BMPR1B: variants seen among roughly 807,000 people sequenced by gnomAD.
The protein encoded by BMPR1B is bone morphogenetic protein receptor type-1B.
BMPR1B carries 12 observed loss-of-function variants against 59.1 expected under a neutral mutation model. The observed-to-expected ratio is 0.20, with a 90% CI of 0.13 to 0.33. The LOEUF is 0.33. Among genes scored for constraint, BMPR1B ranks in the 10% least tolerant of loss-of-function variants. The probability of loss-of-function intolerance (pLI) is 1.00; values close to 1 mark genes in which losing one functional copy is unlikely to be tolerated. For missense variants in BMPR1B, 550 were observed against 610.9 expected (o/e 0.90, Z 1.05); for synonymous variants, 237 against 207.3 (o/e 1.14, Z -1.23).
rs531933087 is a variant in BMPR1B, at chr4:95,011,556, C to T, written c.-18+15422C>T. On this transcript the variant is annotated intron_variant, in intron 3 of 12. Coordinates refer to ENST00000515059, the MANE Select transcript of BMPR1B (RefSeq NM_001203.3). Reference sequence around the variant, plus strand: ...GCAGGAAAGAAGTGGATGTGAGTGACAGACATATCCATATACCTCCTAGGC... The same window carrying T: ...GCAGGAAAGAAGTGGATGTGAGTGATAGACATATCCATATACCTCCTAGGC... 7.9e-5 allele frequency among the ~76,000 whole-genome samples: 12 copies of T among 152,266 alleles called. No homozygotes were observed. In the South Asian group the frequency reaches 2.3e-3, roughly 29 times the overall value.
chr4:95,066,359 C>T (rs1233813278), intron 3 of BMPR1B, among the ~76,000 whole-genome samples: 2 of 144,468 alleles, frequency 1.4e-5, no homozygotes, highest in African/African-American at 5.0e-5. Context: ...GCTTTTCCCA[C>T]TCAGGGCCAT....
chr4:95,090,531 C>A (rs145967393), intron 3 of BMPR1B, among the ~76,000 whole-genome samples: 7 of 151,958 alleles, frequency 4.6e-5, no homozygotes, highest in African/African-American at 1.7e-4. Flanking sequence ...TGTGAGTGAA[C>A]AATCAGCAGA....
intron 2 of BMPR1B, among the ~76,000 whole-genome samples, chr4:94,975,514 CA>C (rs1469749598): frequency 6.6e-6 from 1 of 151,330 alleles, no homozygotes; most frequent in African/African-American, 2.4e-5. Flanking sequence ...AGGCATGCGC[CA>C]CCATGCCTGG....
intron 3 of BMPR1B, among the ~76,000 whole-genome samples, chr4:95,080,541 T>C (rs908724234): frequency 1.3e-5 from 2 of 152,192 alleles, no homozygotes; most frequent in Non-Finnish European, 2.9e-5. Context: ...TGGCCTAAAA[T>C]ATTTACAAAT....
At chr4:95,004,832 G>A (rs1300182692) in intron 3 of BMPR1B, among the ~76,000 whole-genome samples, 1 of 152,110 alleles carries the variant, frequency 6.6e-6, no homozygotes, top group Non-Finnish European at 1.5e-5. Flanking sequence ...AGGACACAAC[G>A]TTCTACTGAA....
chr4:94,889,544 A>G (rs995113616), intron 2 of BMPR1B, among the ~76,000 whole-genome samples: 3 of 152,088 alleles, frequency 2.0e-5, no homozygotes, highest in African/African-American at 7.2e-5. Context: ...AAACAAATAA[A>G]AGGTGTTGTG....
At chr4:94,878,213 G>A (rs932360698) in intron 2 of BMPR1B, among the ~76,000 whole-genome samples, 1 of 152,204 alleles carries the variant, frequency 6.6e-6, no homozygotes, top group African/African-American at 2.4e-5. Flanking sequence ...CAGGAGCATA[G>A]AGGGGACTGG....
intron 3 of BMPR1B, 126 bp from the exon 4 acceptor site, chr4:95,104,282 T>C (rs1731037793): frequency 8.7e-7 from 1 of 1,147,876 alleles, no homozygotes; most frequent in South Asian, 1.5e-5. Flanking sequence ...AATGTCTGTT[T>C]TTCTGTTTAA....
chr4:95,086,580 T>C (rs1729592827), intron 3 of BMPR1B, among the ~76,000 whole-genome samples: 1 of 152,200 alleles, frequency 6.6e-6, no homozygotes, highest in Non-Finnish European at 1.5e-5. Context: ...GAGGTGATAC[T>C]GGAGAAAACA....
At chr4:95,144,016 T>C (rs1009105395) in intron 10 of BMPR1B, among the ~76,000 whole-genome samples, 3 of 151,888 alleles carry the variant, frequency 2.0e-5, no homozygotes, top group Non-Finnish European at 4.4e-5. Context: ...TTTTTTTTTT[T>C]ACCCCTACAG....
chr4:95,093,800 T>G (rs1012196090), intron 3 of BMPR1B, among the ~76,000 whole-genome samples: 4 of 152,080 alleles, frequency 2.6e-5, no homozygotes, highest in Non-Finnish European at 4.4e-5. Context: ...ACAAATATTT[T>G]ATGAAGCCCT....
At chr4:95,048,481 T>C (rs970689558) in intron 3 of BMPR1B, among the ~76,000 whole-genome samples, 1 of 152,222 alleles carries the variant, frequency 6.6e-6, no homozygotes, top group African/African-American at 2.4e-5. Context: ...TTTGACTTTT[T>C]AGTAATAGCC....
intron 3 of BMPR1B, among the ~76,000 whole-genome samples, chr4:95,071,471 G>C (rs1281976757): frequency 6.6e-6 from 1 of 151,756 alleles, no homozygotes; most frequent in Admixed American, 6.6e-5. Flanking sequence ...TGGAATCTTT[G>C]CTGTTTAATC....
chr4:95,143,329 A>G (rs1734388837), intron 10 of BMPR1B, among the ~76,000 whole-genome samples: 1 of 152,202 alleles, frequency 6.6e-6, no homozygotes, highest in South Asian at 2.1e-4. Context: ...GTCAGTGGCT[A>G]AAATATGTCT....
At chr4:95,090,531 C>CAATCAGCAGACCTTTTATG (rs1560645229) in intron 3 of BMPR1B, among the ~76,000 whole-genome samples, 2 of 151,958 alleles carry the variant, frequency 1.3e-5, no homozygotes. Flanking sequence ...TGTGAGTGAA[C>CAATCAGCAGACCTTTTATG]AATCAGCAGA....
chr4:95,092,670 G>A (rs1479624970), intron 3 of BMPR1B, among the ~76,000 whole-genome samples: 2 of 151,994 alleles, frequency 1.3e-5, no homozygotes, highest in African/African-American at 4.8e-5. Context: ...CCTATTAGAG[G>A]GTATGGTAAG....
At chr4:94,759,549 G>C (rs978754521) in intron 1 of BMPR1B, among the ~76,000 whole-genome samples, 1 of 152,134 alleles carries the variant, frequency 6.6e-6, no homozygotes, top group African/African-American at 2.4e-5. Context: ...TATTGTTTTG[G>C]GCAAGTTATG....
intron 2 of BMPR1B, among the ~76,000 whole-genome samples, chr4:94,944,413 A>G (rs540820280): frequency 6.6e-6 from 1 of 152,294 alleles, no homozygotes; most frequent in East Asian, 1.9e-4. Flanking sequence ...ATTACATGCC[A>G]TAGTTAGTGG....
At chr4:94,837,067 G>T (rs1458072148) in intron 1 of BMPR1B, among the ~76,000 whole-genome samples, 2 of 143,650 alleles carry the variant, frequency 1.4e-5, no homozygotes, top group East Asian at 1.9e-4. Context: ...TCAGATAGTT[G>T]TAGATATGCG....
Sources: gnomAD v4.1 joint callset for allele counts (sites outside exome capture counted in the v4.1 genomes callset) on GRCh38, gnomAD v4.1.1 for gene constraint, MANE v1.5 for transcripts, NCBI Gene and HGNC (gene_info 2026-07-23, HGNC 2026-07-21) for gene names.